Variants in ZNF831 observed in about 807,000 individuals in gnomAD.
ZNF831 encodes the protein chromosome 20 open reading frame 174.
A neutral mutation model predicts 95.8 loss-of-function variants in ZNF831; 59 were observed. The observed-to-expected ratio is 0.62, with a 90% CI of 0.50 to 0.77. The LOEUF is 0.77. Ranked by LOEUF, ZNF831 falls within the 30% of genes least tolerant of loss-of-function variation. The pLI, the probability that ZNF831 is intolerant of heterozygous loss-of-function variation, is 0.00. For synonymous variants in ZNF831, 961 were observed against 925.5 expected (o/e 1.04, Z -0.70); for missense variants, 2,205 against 2,164.0 (o/e 1.02, Z -0.38).
chr20:59,162,271 G>A (rs554893104), upstream of ZNF831, among the ~76,000 whole-genome samples: 5 of 152,266 alleles, frequency 3.3e-5, no homozygotes, highest in South Asian at 1.0e-3. Context: ...GGTACCAGTT[G>A]TCAATATTTA....
intron 5 of ZNF831, 80 bp downstream of exon 5, chr20:59,253,218 C>A: frequency 1.3e-6 from 2 of 1,503,322 alleles, no homozygotes; most frequent in South Asian, 1.3e-5. Context: ...TGCTCTTGTT[C>A]AGTGTGGCAG....
Position 59,191,963 on chromosome 20 carries a change from T to C in ZNF831, c.944T>C (p.Leu315Pro), listed in dbSNP as rs1422297994. The C allele has an allele frequency of 1.2e-6, 2 of 1,606,968 alleles. No homozygotes were observed. The highest frequency in any genetic ancestry group is 1.3e-5 in the African/African-American group (1 of 74,690). ...CCGACCGCCGGGAAGCCGTGCGCCC[T>C]GCAGCGGCAGCAGGCGACGGCAGCG... is the stretch of plus-strand genomic sequence containing the variant. ...KSPTAGKPCA[L>P]QRQQATAAEK... The change falls in exon 2 of 6, where the codon CTG (leucine) becomes CCG (proline). Residue 315 changes from leucine to proline, a missense_variant. Transcript: ENST00000371030.
chr20:59,199,449 T>C (rs1353182286), intron 3 of ZNF831, among the ~76,000 whole-genome samples: 1 of 152,178 alleles, frequency 6.6e-6, no homozygotes, highest in African/African-American at 2.4e-5. Context: ...TTGGTGTCTT[T>C]AAAGTACACA....
In ZNF831 at chr20:59,257,658, G is replaced by A. The variant is rs1362025456; in HGVS notation, c.*2915G>A. On this transcript the variant is annotated 3_prime_UTR_variant, in exon 6 of 6. Coordinates refer to ENST00000371030, the MANE Select transcript of ZNF831 (RefSeq NM_178457.3). Reference sequence around the variant, plus strand: ...GTTAAGGAAAAACAAATTTATTTTAGAACAAAGCAAACCAGAGTTTAAAGA... The same window carrying A: ...GTTAAGGAAAAACAAATTTATTTTAAAACAAAGCAAACCAGAGTTTAAAGA... 1 of 152,104 alleles carries A rather than the reference G, an allele frequency of 6.6e-6. No homozygotes were observed. The highest frequency in any genetic ancestry group is 2.4e-5 in the African/African-American group (1 of 41,410). 9.4% of individuals were successfully genotyped at this position (152,104 alleles called of 1,614,324 possible).
At chr20:59,173,412 C>A (rs1002993408) in intron 1 of ZNF831, among the ~76,000 whole-genome samples, 1 of 152,168 alleles carries the variant, frequency 6.6e-6, no homozygotes, top group African/African-American at 2.4e-5. Context: ...CAGATCATGA[C>A]TCAAGGTGGG....
At chr20:59,124,871 G>A (rs1040637328) in intron 1 of ZNF831, among the ~76,000 whole-genome samples, 1 of 152,272 alleles carries the variant, frequency 6.6e-6, no homozygotes, top group South Asian at 2.1e-4. Context: ...CTCCACGCTG[G>A]GAGTGTGTTC....
In ZNF831 at chr20:59,126,406, A is replaced by C. The variant is rs146678680; in HGVS notation, c.-1425+2901A>C. ...TCCTCCAAGTGGTCCCAGCAGTGTC[A>C]CTGTGGGGAGCTTGTGGGAAATGCA... On this transcript the variant is annotated intron_variant, in intron 1 of 7. Transcript: ENST00000637017. 2.2e-3 allele frequency among the ~76,000 whole-genome samples: 339 copies of C among 152,296 alleles called. 1 individual carries two copies. Among genetic ancestry groups the C allele is most frequent in the African/African-American group, 7.7e-3 (322 of 41,554 alleles).
At chr20:59,166,464 A>G (rs925495930) in intron 1 of ZNF831, among the ~76,000 whole-genome samples, 1 of 152,224 alleles carries the variant, frequency 6.6e-6, no homozygotes, top group Non-Finnish European at 1.5e-5. Context: ...CAATAGCAAC[A>G]TCTTGCAAAT....
At chr20:59,153,370 G>A (rs1213534614) in intron 2 of ZNF831, among the ~76,000 whole-genome samples, 3 of 152,218 alleles carry the variant, frequency 2.0e-5, no homozygotes, top group Admixed American at 6.5e-5. Flanking sequence ...GTCAGGGCCC[G>A]ATTTCTGTTT....
At position 59,192,263 on chromosome 20, in the gene ZNF831, A is replaced by G. The variant is rs1983632349; in HGVS notation, c.1244A>G (p.Asn415Ser). 1 of 1,593,132 alleles carries G rather than the reference A, an allele frequency of 6.3e-7. No individual in the cohort carries two copies. Among genetic ancestry groups the G allele is most frequent in the Non-Finnish European group, 8.5e-7 (1 of 1,170,314 alleles). ...CGCATCGCCCAGCTCATCTCCCACA[A>G]CCAGGCGGTGGTGGACGATGCCCAG... ...EERIAQLISH[N>S]QAVVDDAQLD... The change falls in exon 2 of 6, where the codon AAC becomes AGC. Residue 415 changes from asparagine (N) to serine (S), a missense_variant. Coordinates refer to ENST00000371030, the MANE Select transcript of ZNF831 (RefSeq NM_178457.3). The surrounding 1 kb of genome is among the most constrained non-coding windows in gnomAD (Gnocchi z 5.2).
intron 4 of ZNF831, among the ~76,000 whole-genome samples, chr20:59,207,945 C>T (rs1297520483): frequency 6.6e-6 from 1 of 152,214 alleles, no homozygotes; most frequent in African/African-American, 2.4e-5. Flanking sequence ...TCCAGTGCCC[C>T]CTACAGGCAG....
chr20:59,192,104 C>T lies in ZNF831; in HGVS notation c.1085C>T (p.Pro362Leu), dbSNP rs779827121. The change falls in exon 2 of 6, where the codon CCC becomes CTC. Residue 362 changes from proline to leucine, a missense_variant. Physicochemically the swap from Pro to Leu is moderately conservative, Grantham distance 98. Coordinates refer to ENST00000371030, the MANE Select transcript of ZNF831 (RefSeq NM_178457.3). The surrounding 1 kb of genome is among the most constrained non-coding windows in gnomAD (Gnocchi z 5.2). ...GAGCAGCCGCATGCGCCCTGCAGCCCCCTGCACAGCCTTTCGGAGCACAGC... is the reference window on the plus strand; with the variant it reads ...GAGCAGCCGCATGCGCCCTGCAGCCTCCTGCACAGCCTTTCGGAGCACAGC... ...SAEQPHAPCS[P>L]LHSLSEHSAE... The T allele has an allele frequency of 4.4e-6, 7 of 1,588,096 alleles. No individual in the cohort carries two copies. Among genetic ancestry groups the T allele is most frequent in the Non-Finnish European group, 6.0e-6 (7 of 1,171,874 alleles).
At chr20:59,253,869 C>CCGGGGGGG in intron 5 of ZNF831, 29 bp from the exon 6 acceptor site, 1 of 1,067,566 alleles carries the variant, frequency 9.4e-7, no homozygotes, top group Non-Finnish European at 1.2e-6. Flanking sequence ...TCCCCCCCCA[C>CCGGGGGGG]TTTTTTTTTC....
At chr20:59,197,123 G>T (rs1200082261) in intron 3 of ZNF831, among the ~76,000 whole-genome samples, 1 of 152,006 alleles carries the variant, frequency 6.6e-6, no homozygotes, top group African/African-American at 2.4e-5. Flanking sequence ...TTCAAGGGGC[G>T]ATCCAAATTC....
At chr20:59,134,428 C>A (rs1168477180) in intron 1 of ZNF831, among the ~76,000 whole-genome samples, 2 of 152,206 alleles carry the variant, frequency 1.3e-5, no homozygotes, top group East Asian at 1.9e-4. Flanking sequence ...AAATGAGGAA[C>A]AAGGAGACTG....
chr20:59,142,125 C>G (rs966698711), intron 1 of ZNF831, among the ~76,000 whole-genome samples: 2 of 152,068 alleles, frequency 1.3e-5, no homozygotes, highest in African/African-American at 2.4e-5. Context: ...TCCATATGGA[C>G]TAAGTGAACC....
Position 59,192,060 on chromosome 20 carries a change from G to C in ZNF831, c.1041G>C (p.Leu347=), listed in dbSNP as rs1160531959. The C allele has an allele frequency of 6.2e-7, 1 of 1,607,268 alleles. No homozygotes were observed. Among genetic ancestry groups the C allele is most frequent in the African/African-American group, 1.3e-5 (1 of 75,002 alleles). The change falls in exon 2 of 6, where the codon CTG becomes CTC. Residue 347 remains leucine (L), a synonymous_variant. Transcript: ENST00000371030. This position sits in a 1 kb window ranked among gnomAD's most constrained non-coding sequence, Gnocchi z 5.2. The part of the protein sequence containing the change: ...RKCESTDSGY[L]SRSDSAEQPH... The stretch of plus-strand genomic sequence containing the variant: ...GTGAGAGCACCGACTCGGGGTACCT[G>C]TCGCGCTCCGACAGCGCGGAGCAGC...
Position 59,193,584 on chromosome 20 carries a change from C to T in ZNF831, c.2565C>T (p.Ser855=), listed in dbSNP as rs557429607. The T allele has an allele frequency of 2.5e-4, 407 of 1,610,326 alleles. No individual in the cohort carries two copies. Among genetic ancestry groups the T allele is most frequent in the Non-Finnish European group, 3.2e-4 (381 of 1,178,412 alleles). ...GGPTQPASLS[S]QKQDADPGEV... ...CCACGCAGCCTGCCTCTTTGTCATCCCAGAAGCAGGATGCCGATCCCGGGG... is the reference window on the plus strand; with the variant it reads ...CCACGCAGCCTGCCTCTTTGTCATCTCAGAAGCAGGATGCCGATCCCGGGG... The change falls in exon 2 of 6, where the codon TCC becomes TCT. Residue 855 remains serine, a synonymous_variant. Transcript: ENST00000371030.
At chr20:59,139,907 A>C (rs1199762691) in intron 1 of ZNF831, among the ~76,000 whole-genome samples, 5 of 152,210 alleles carry the variant, frequency 3.3e-5, no homozygotes. Flanking sequence ...GAAGAATTGG[A>C]CTCAGTGTAA....
Sources: allele counts gnomAD v4.1 joint callset (sites outside exome capture counted in the v4.1 genomes callset), GRCh38; gene constraint gnomAD v4.1.1; non-coding constraint Gnocchi (gnomAD v3.1); transcripts MANE v1.5; gene names NCBI Gene and HGNC (gene_info 2026-07-23, HGNC 2026-07-21).